The following DENND11 variants were observed in gnomAD, a reference collection of about 807,000 sequenced individuals.
DENND11 encodes DENN domain-containing protein 11.
DENND11 carries 34 observed loss-of-function variants against 49.2 expected under a neutral mutation model. The ratio of observed to expected loss-of-function variants is 0.69; its 90% CI spans 0.53 to 0.92. DENND11 has a LOEUF of 0.92. DENND11 is among the 40% of genes least tolerant of loss of function. The pLI, the probability that DENND11 is intolerant of heterozygous loss-of-function variation, is 0.00. For missense variants in DENND11, 475 were observed against 581.6 expected, an observed-to-expected ratio of 0.82 and a Z score of 1.88; for synonymous variants, 238 against 230.3, an observed-to-expected ratio of 1.03 and a Z score of -0.30.
intron 7 of DENND11, 29 bp from the exon 8 acceptor site, chr7:141,664,269 G>GTACC: frequency 1.9e-6 from 3 of 1,555,598 alleles, no homozygotes; most frequent in Non-Finnish European, 1.7e-6. Flanking sequence ...TGAGACTCTG[G>GTACC]TGCAGGTACC....
intron 3 of DENND11, among the ~76,000 whole-genome samples, chr7:141,682,836 A>C (rs967862677): frequency 5.3e-5 from 8 of 152,206 alleles, no homozygotes; most frequent in Non-Finnish European, 1.5e-5. Context: ...TTGAACCATG[A>C]AACTGTATTG....
chr7:141,695,840 G>A (rs1354295115), intron 1 of DENND11, among the ~76,000 whole-genome samples: 2 of 152,190 alleles, frequency 1.3e-5, no homozygotes, highest in Admixed American at 6.5e-5. Context: ...GGTACTTACA[G>A]GCACTTCCTA....
chr7:141,701,458 G>C (rs1339565094), intron 1 of DENND11: 1 of 146,184 alleles, frequency 6.8e-6, no homozygotes, highest in East Asian at 2.1e-4. Context: ...GGGGCGAGCG[G>C]GGAGCTCAGG....
At chr7:141,672,537 C>T (rs769883898) in intron 4 of DENND11, among the ~76,000 whole-genome samples, 1 of 152,186 alleles carries the variant, frequency 6.6e-6, no homozygotes, top group East Asian at 1.9e-4. Flanking sequence ...TCAAGAAATT[C>T]GATCCTGCCA....
At chr7:141,670,771 C>T (rs1797968169) in intron 4 of DENND11, among the ~76,000 whole-genome samples, 1 of 152,232 alleles carries the variant, frequency 6.6e-6, no homozygotes, top group African/African-American at 2.4e-5. Context: ...ATTAAATGCA[C>T]TTTTGACTTA....
Position 141,664,973 on chromosome 7 carries a change from T to C in DENND11, c.1034A>G (p.Asp345Gly). Residue 345 changes from aspartate (D) to glycine (G), a missense_variant, in exon 7 of 9, where the codon GAC becomes GGC. By Grantham distance (94) the Asp-to-Gly change is moderately conservative. Transcript: ENST00000536163. ...VDNQNVKTHHDHLQPLLKINS... is the reference protein window; with the variant it reads ...VDNQNVKTHHGHLQPLLKINS... ...GATCTTCAGCAGCGGCTGCAGGTGG[T>C]CGTGGTGTGTCTTCACATTCTGGTT... The C allele has an allele frequency of 6.2e-7, 1 of 1,613,756 alleles. No individual in the cohort carries two copies. Among genetic ancestry groups the C allele is most frequent in the Non-Finnish European group, 8.5e-7 (1 of 1,179,810 alleles).
chr7:141,679,728 A>G (rs1388767415), intron 3 of DENND11, among the ~76,000 whole-genome samples: 2 of 151,974 alleles, frequency 1.3e-5, no homozygotes, highest in African/African-American at 4.8e-5. Context: ...AAAAAAAGTA[A>G]AAGAAATTAA....
intron 3 of DENND11, among the ~76,000 whole-genome samples, chr7:141,685,029 A>AAAAAAATAT (rs1305276426): frequency 2.3e-4 from 21 of 91,540 alleles, no homozygotes; most frequent in Non-Finnish European, 3.0e-4. Flanking sequence ...AAAAAAAAAA[A>AAAAAAATAT]ATATATATAT....
chr7:141,701,853 T>A lies in DENND11; in HGVS notation c.268+33A>T, dbSNP rs1407301690. ...CCAAAGCTCGGGGGCACCCCGACCC[T>A]CCCCACGCGCCTGGCCCCGGCGCGG... On this transcript the variant is annotated intron_variant, in intron 1 of 8. Coordinates refer to ENST00000536163, the MANE Select transcript of DENND11 (RefSeq NM_001080392.2). The A allele has an allele frequency of 5.2e-6, 6 of 1,154,348 alleles. No individual in the cohort carries two copies. The East Asian group carries it at 2.0e-4, about 38-fold the overall frequency. 71.5% of individuals were successfully genotyped at this position (1,154,348 alleles called of 1,614,324 possible).
chr7:141,686,520 G>A (rs1176519387), intron 2 of DENND11, 39 bp downstream of exon 2: 3 of 1,303,934 alleles, frequency 2.3e-6, no homozygotes, highest in Non-Finnish European at 3.3e-6. Flanking sequence ...GGAGGTGGGG[G>A]GAATGGTACG....
intron 4 of DENND11, among the ~76,000 whole-genome samples, chr7:141,669,629 GTT>G (rs1797946701): frequency 6.6e-6 from 1 of 151,688 alleles, no homozygotes; most frequent in South Asian, 2.1e-4. Flanking sequence ...TTTCTATAAA[GTT>G]TTATATTTCA....
At position 141,664,173 on chromosome 7, in the gene DENND11, G is replaced by A; in HGVS notation, c.1171C>T (p.Leu391=). The A allele has an allele frequency of 1.3e-6, 2 of 1,575,560 alleles. No individual in the cohort carries two copies. The highest frequency in any genetic ancestry group is 1.7e-6 in the Non-Finnish European group (2 of 1,158,450). Residue 391 remains leucine, a splice_region_variant and synonymous_variant, in exon 8 of 9, where the codon CTG becomes TTG. Transcript: ENST00000536163. The stretch of plus-strand genomic sequence containing the variant: ...CACATCCACGGCCCCAGGACTCACA[G>A]CACGAAGAGGTCCTCTTCACAAGGG... ...YNPCEEDLFV[L]FFLEQNNRIF... is the part of the protein sequence containing the mutation.
At chr7:141,694,320 G>A (rs1205613950) in intron 1 of DENND11, among the ~76,000 whole-genome samples, 1 of 151,782 alleles carries the variant, frequency 6.6e-6, no homozygotes, top group Non-Finnish European at 1.5e-5. Context: ...GAGTGCAGTG[G>A]CCCAATCATA....
intron 1 of DENND11, among the ~76,000 whole-genome samples, chr7:141,695,061 T>C (rs1452385225): frequency 6.6e-6 from 1 of 152,224 alleles, no homozygotes; most frequent in Non-Finnish European, 1.5e-5. Flanking sequence ...TGCAAAACTG[T>C]CCTATAGTTT....
At position 141,665,245 on chromosome 7, in the gene DENND11, G is replaced by A. The variant is rs766053137; in HGVS notation, c.894C>T (p.Phe298=). The change falls in exon 6 of 9, where the codon TTC becomes TTT. Residue 298 remains phenylalanine, a synonymous_variant. Coordinates refer to ENST00000536163, the MANE Select transcript of DENND11 (RefSeq NM_001080392.2). ...CGATGTCAGCCACGTTCACGTAGAA[G>A]AAAGGTTTGGACTCAGGAATGGTGC... ...IGGTIPESKP[F]FYVNVADIES... The A allele has an allele frequency of 3.8e-5, 61 of 1,613,674 alleles. No homozygotes were observed. Among genetic ancestry groups the A allele is most frequent in the South Asian group, 5.5e-5 (5 of 90,952 alleles).
intron 1 of DENND11, among the ~76,000 whole-genome samples, chr7:141,687,118 A>G (rs1211042171): frequency 6.6e-6 from 1 of 152,224 alleles, no homozygotes; most frequent in Non-Finnish European, 1.5e-5. Flanking sequence ...ACCTCTAGGT[A>G]GCATTTGCTA....
intron 3 of DENND11, among the ~76,000 whole-genome samples, chr7:141,676,774 C>A (rs373220517): frequency 6.6e-6 from 1 of 152,222 alleles, no homozygotes; most frequent in East Asian, 1.9e-4. Flanking sequence ...GATGTCAAAG[C>A]AGCCCTTCCT....
chr7:141,677,519 ATG>A (rs1554409403), intron 3 of DENND11, among the ~76,000 whole-genome samples: 1 of 102,478 alleles, frequency 9.8e-6, no homozygotes. Flanking sequence ...ATATATATAT[ATG>A]TATATATATA....
intron 3 of DENND11, among the ~76,000 whole-genome samples, chr7:141,680,921 T>TG (rs937217670): frequency 6.6e-6 from 1 of 151,998 alleles, no homozygotes; most frequent in African/African-American, 2.4e-5. Context: ...GTCACTGTAT[T>TG]GGGGGTCTCT....
Sources: allele counts gnomAD v4.1 joint callset (sites outside exome capture counted in the v4.1 genomes callset), GRCh38; gene constraint gnomAD v4.1.1; transcripts MANE v1.5; gene names NCBI Gene and HGNC (gene_info 2026-07-23, HGNC 2026-07-21).